FAM20B: variants seen among roughly 807,000 people sequenced by gnomAD.
The protein encoded by FAM20B is glycosaminoglycan xylosylkinase.
FAM20B carries 23 observed loss-of-function variants against 43.8 expected under a neutral mutation model. That is an observed-to-expected ratio of 0.53 (90% CI 0.38 to 0.74). FAM20B has a LOEUF of 0.74. Ranked by LOEUF, FAM20B falls within the 30% of genes least tolerant of loss-of-function variation. The probability of loss-of-function intolerance (pLI) is 0.00; values close to 1 mark genes in which losing one functional copy is unlikely to be tolerated. For missense variants in FAM20B, 440 were observed against 510.5 expected (o/e 0.86, Z 1.33); for synonymous variants, 178 against 192.4 (o/e 0.93, Z 0.62).
At chr1:179,035,185 C>A in intron 1 of FAM20B, 2 of 399,514 alleles carry the variant, frequency 5.0e-6, no homozygotes, top group South Asian at 4.3e-5. Context: ...TGTAGACCCC[C>A]ACACCAACAT....
At chr1:179,067,646 ACT>A (rs996980324) in intron 7 of FAM20B, among the ~76,000 whole-genome samples, 4 of 152,038 alleles carry the variant, frequency 2.6e-5, no homozygotes, top group African/African-American at 7.2e-5. Flanking sequence ...TTTTAAAAAA[ACT>A]CTGTATTAGA....
At chr1:179,035,755 A>G (rs1050931903) in intron 1 of FAM20B, 3 of 292,242 alleles carry the variant, frequency 1.0e-5, no homozygotes, top group South Asian at 3.6e-5. Context: ...AAACAACTTC[A>G]TAGTCTTACG....
rs757437703 is a variant in FAM20B, at chr1:179,050,233, C to G, written c.378-46C>G. The G allele has an allele frequency of 4.7e-5, 63 of 1,339,678 alleles. No individual in the cohort carries two copies. The South Asian group carries it at 6.2e-4, about 13-fold the overall frequency. 83.0% of individuals were successfully genotyped at this position (1,339,678 alleles called of 1,614,324 possible). A position where few individuals can be genotyped will look rare whatever the true frequency, so the allele number is the denominator to read the frequency against. On this transcript the variant is annotated intron_variant, in intron 2 of 7. Coordinates refer to ENST00000263733, the MANE Select transcript of FAM20B (RefSeq NM_014864.4). ...CTACCACTTGTGCTGTCACCTGTTA[C>G]TGGTGTAATCCACGTATACATCTGT...
chr1:179,026,405 C>T (rs1194790776), intron 1 of FAM20B, among the ~76,000 whole-genome samples: 6 of 152,150 alleles, frequency 3.9e-5, no homozygotes, highest in African/African-American at 1.4e-4. Context: ...CCACCTGAGG[C>T]GCGGGCCCAC....
intron 2 of FAM20B, among the ~76,000 whole-genome samples, chr1:179,044,609 T>C (rs1454074750): frequency 6.6e-6 from 1 of 152,258 alleles, no homozygotes; most frequent in Non-Finnish European, 1.5e-5. Flanking sequence ...GGTTTATACA[T>C]ATCTTTTTGT....
chr1:179,029,004 C>G (rs948340906), intron 1 of FAM20B, among the ~76,000 whole-genome samples: 5 of 152,210 alleles, frequency 3.3e-5, no homozygotes, highest in Non-Finnish European at 7.3e-5. Flanking sequence ...CCACCTGGAG[C>G]CTGGCAGTAG....
At chr1:179,026,465 C>A (rs889232662) in intron 1 of FAM20B, among the ~76,000 whole-genome samples, 1 of 152,252 alleles carries the variant, frequency 6.6e-6, no homozygotes, top group African/African-American at 2.4e-5. Flanking sequence ...CGTCTCTCGT[C>A]CCCTTGCGCG....
At chr1:179,071,405 G>A (rs2025580) in intron 7 of FAM20B, among the ~76,000 whole-genome samples, 11,104 of 152,166 alleles carry the variant, frequency 0.073, 460 homozygotes, top group African/African-American at 0.11. Context: ...AAGGATTAAC[G>A]TCTAAGGATC....
chr1:179,064,307 G>T lies in FAM20B; in HGVS notation c.749G>T (p.Trp250Leu). The T allele has an allele frequency of 6.2e-7, 1 of 1,601,692 alleles. No homozygotes were observed. The highest frequency in any genetic ancestry group is 8.5e-7 in the Non-Finnish European group (1 of 1,170,806). Reference sequence around the variant, plus strand: ...GCTGTGATGCTGCTTGTCTCCAGGTGGGAGTATGATGAGAGCTACTGTGAT... The same window carrying T: ...GCTGTGATGCTGCTTGTCTCCAGGTTGGAGTATGATGAGAGCTACTGTGAT... ...RTYREGKLAR[W>L]EYDESYCDAV... The change falls in exon 6 of 8, where the codon TGG becomes TTG. Residue 250 changes from tryptophan (W) to leucine (L), a missense_variant and splice_region_variant. Coordinates refer to ENST00000263733, the MANE Select transcript of FAM20B (RefSeq NM_014864.4).
chr1:179,061,915 G>C (rs1377440705), intron 4 of FAM20B, among the ~76,000 whole-genome samples: 1 of 152,028 alleles, frequency 6.6e-6, no homozygotes, highest in Non-Finnish European at 1.5e-5. Context: ...CTACAAACTA[G>C]TTCCTGTGTC....
chr1:179,021,050 G>A (rs1277236964), upstream of FAM20B, among the ~76,000 whole-genome samples: 7 of 152,258 alleles, frequency 4.6e-5, no homozygotes, highest in Admixed American at 3.3e-4. Context: ...CAGCCTGGGC[G>A]ACAGAGGGAG....
intron 1 of FAM20B, among the ~76,000 whole-genome samples, chr1:179,037,463 C>G: frequency 7.5e-6 from 1 of 134,036 alleles, no homozygotes; most frequent in African/African-American, 2.8e-5. Context: ...TGCTTGCTTG[C>G]TTTCTGTATG....
At chr1:179,071,292 T>C (rs1651914217) in intron 7 of FAM20B, among the ~76,000 whole-genome samples, 1 of 151,762 alleles carries the variant, frequency 6.6e-6, no homozygotes, top group Non-Finnish European at 1.5e-5. Context: ...CAAGACTCTG[T>C]CTCAAAAAAA....
At position 179,044,067 on chromosome 1, in the gene FAM20B, C is replaced by A. The variant is rs1338875065; in HGVS notation, c.220C>A (p.Arg74=). The change falls in exon 2 of 8, where the codon CGG becomes AGG. Residue 74 remains arginine, a synonymous_variant. Transcript: ENST00000263733. ...GATTGCAGCCCAGTGGGTGGTTCCC[C>A]GGGAAGTGTACCCTGAAGAGACACC... ...WEIAAQWVVP[R]EVYPEETPEL... is the part of the protein sequence containing the mutation. The A allele has an allele frequency of 6.2e-7, 1 of 1,613,962 alleles. No homozygotes were observed. The highest frequency in any genetic ancestry group is 1.3e-5 in the African/African-American group (1 of 74,854).
intron 1 of FAM20B, chr1:179,035,758 G>A: frequency 3.5e-6 from 1 of 287,762 alleles, no homozygotes. Flanking sequence ...CAACTTCATA[G>A]TCTTACGTTT....
chr1:179,069,405 C>G (rs908741846), intron 7 of FAM20B, among the ~76,000 whole-genome samples: 1 of 152,210 alleles, frequency 6.6e-6, no homozygotes, highest in Non-Finnish European at 1.5e-5. Context: ...GAGTCTCGCT[C>G]TGTCGCCCAG....
chr1:179,040,430 G>A (rs975410772), intron 1 of FAM20B, among the ~76,000 whole-genome samples: 3 of 150,958 alleles, frequency 2.0e-5, no homozygotes, highest in Non-Finnish European at 4.4e-5. Context: ...TTCCCAGTAG[G>A]GGCGGCCGGG....
intron 1 of FAM20B, among the ~76,000 whole-genome samples, chr1:179,040,986 G>T (rs1650488790): frequency 6.7e-6 from 1 of 149,026 alleles, no homozygotes. Flanking sequence ...GGGGCCGGCG[G>T]GCAGAGGCGC....
intron 1 of FAM20B, among the ~76,000 whole-genome samples, chr1:179,028,900 GA>G (rs200770380): frequency 9.5e-4 from 143 of 150,846 alleles, no homozygotes; most frequent in Non-Finnish European, 1.8e-3. Flanking sequence ...TTTGTCAAAA[GA>G]AAAAAAAAGC....
Sources: gnomAD v4.1 joint callset for allele counts (sites outside exome capture counted in the v4.1 genomes callset) on GRCh38, gnomAD v4.1.1 for gene constraint, MANE v1.5 for transcripts, NCBI Gene and HGNC (gene_info 2026-07-23, HGNC 2026-07-21) for gene names.